Variants in HHAT observed in about 807,000 individuals in gnomAD.
HHAT encodes the protein protein-cysteine N-palmitoyltransferase HHAT.
A neutral mutation model predicts 70.8 loss-of-function variants in HHAT; 47 were observed. The ratio of observed to expected loss-of-function variants is 0.66; its 90% CI spans 0.53 to 0.85. The LOEUF is 0.85. Ranked by LOEUF, HHAT falls within the 40% of genes least tolerant of loss-of-function variation. HHAT has a pLI of 0.00. For missense variants in HHAT, 609 were observed against 604.8 expected, an observed-to-expected ratio of 1.01 and a Z score of -0.07; for synonymous variants, 228 against 247.6, an observed-to-expected ratio of 0.92 and a Z score of 0.74.
intron 1 of HHAT, among the ~76,000 whole-genome samples, chr1:210,339,894 T>C (rs1443972034): frequency 1.3e-5 from 2 of 152,230 alleles, no homozygotes; most frequent in Admixed American, 6.5e-5. Flanking sequence ...GGGTATATAT[T>C]TTAAACTATT....
intron 9 of HHAT, among the ~76,000 whole-genome samples, chr1:210,572,145 T>C (rs187626875): frequency 2.5e-3 from 381 of 152,350 alleles, no homozygotes; most frequent in Non-Finnish European, 4.8e-3. Flanking sequence ...ATTATCAGTT[T>C]TCCTTTCCAG....
chr1:210,609,993 T>A (rs940422257), intron 10 of HHAT, among the ~76,000 whole-genome samples: 3 of 152,236 alleles, frequency 2.0e-5, no homozygotes, highest in African/African-American at 7.2e-5. Context: ...AGTATCTTTA[T>A]AATAGAATGA....
Position 210,400,554 on chromosome 1 carries a change from T to C in HHAT, c.360T>C (p.His120=). 2 of 1,614,116 alleles carry C rather than the reference T, an allele frequency of 1.2e-6. No individual in the cohort carries two copies. Among genetic ancestry groups the C allele is most frequent in the South Asian group, 2.2e-5 (2 of 91,074 alleles). The change falls in exon 5 of 12, where the codon CAT becomes CAC. Residue 120 remains histidine, a synonymous_variant. Transcript: ENST00000261458. ...CTGGTGTGGCTATGGTTTTGCTCCATACCACCATCTCTTTCTGCGTGGCCC... is the reference window on the plus strand; with the variant it reads ...CTGGTGTGGCTATGGTTTTGCTCCACACCACCATCTCTTTCTGCGTGGCCC... The part of the protein sequence containing the change: ...GTPGVAMVLL[H]TTISFCVAQF...
At chr1:210,475,598 C>T in intron 8 of HHAT, among the ~76,000 whole-genome samples, 1 of 152,134 alleles carries the variant, frequency 6.6e-6, no homozygotes, top group Non-Finnish European at 1.5e-5. Flanking sequence ...TAATTTCATC[C>T]TCTTCTTTCT....
chr1:210,442,462 C>T (rs1357931154), intron 7 of HHAT, among the ~76,000 whole-genome samples: 1 of 147,422 alleles, frequency 6.8e-6, no homozygotes, highest in Non-Finnish European at 1.5e-5. Flanking sequence ...TTTACAGTCC[C>T]ACCAACAGTG....
chr1:210,496,001 A>G lies in HHAT; in HGVS notation c.1008-17152A>G, dbSNP rs575316674. On this transcript the variant is annotated intron_variant, in intron 8 of 11. Coordinates refer to ENST00000261458, the MANE Select transcript of HHAT (RefSeq NM_018194.6). The stretch of plus-strand genomic sequence containing the variant: ...ATTCCAGCCTGGGCAACAGAGTCAA[A>G]CTCTATCTCAAAAAAAAAAAAAAAA... Among the ~76,000 whole-genome samples the G allele has an allele frequency of 2.2e-4, 23 of 104,198 alleles. No individual in the cohort carries two copies. The East Asian group carries it at 5.8e-3, about 26-fold the overall frequency. The allele number at this position is 104,198 out of a possible 152,430, so 68.4% of individuals were successfully genotyped here.
intron 11 of HHAT, among the ~76,000 whole-genome samples, chr1:210,657,941 G>C (rs1337511037): frequency 6.6e-6 from 1 of 152,158 alleles, no homozygotes; most frequent in Non-Finnish European, 1.5e-5. Context: ...CAGAGGTTGT[G>C]GTCTTGATCA....
intron 8 of HHAT, among the ~76,000 whole-genome samples, chr1:210,506,794 G>A (rs576387718): frequency 1.8e-4 from 28 of 152,270 alleles, no homozygotes; most frequent in Middle Eastern, 3.4e-3. Context: ...AGAAGCATTG[G>A]TACCTTATTA....
intron 7 of HHAT, among the ~76,000 whole-genome samples, chr1:210,454,582 T>A (rs1363215370): frequency 6.6e-6 from 1 of 152,170 alleles, no homozygotes; most frequent in Non-Finnish European, 1.5e-5. Flanking sequence ...TGTCCCACAT[T>A]ATTTCATTAA....
chr1:210,465,868 G>C (rs1183574620), intron 8 of HHAT, among the ~76,000 whole-genome samples: 4 of 151,858 alleles, frequency 2.6e-5, no homozygotes, highest in Non-Finnish European at 5.9e-5. Flanking sequence ...GAATTGCAAG[G>C]AATGAATTGC....
chr1:210,487,886 A>G (rs1463614887), intron 8 of HHAT, among the ~76,000 whole-genome samples: 1 of 152,178 alleles, frequency 6.6e-6, no homozygotes, highest in Non-Finnish European at 1.5e-5. Context: ...ATACCAAGGC[A>G]ACCTTTATTC....
chr1:210,509,800 G>C (rs1256540481), intron 8 of HHAT, among the ~76,000 whole-genome samples: 3 of 152,198 alleles, frequency 2.0e-5, no homozygotes, highest in Non-Finnish European at 4.4e-5. Flanking sequence ...GTGAGAGGCA[G>C]CATTAAATTA....
intron 8 of HHAT, among the ~76,000 whole-genome samples, chr1:210,471,544 C>A (rs556300931): frequency 2.6e-5 from 4 of 151,886 alleles, no homozygotes; most frequent in Admixed American, 1.3e-4. Flanking sequence ...AAGGAGATAT[C>A]CTAATGCCTT....
intron 11 of HHAT, among the ~76,000 whole-genome samples, chr1:210,638,292 A>G (rs1204606490): frequency 1.3e-5 from 2 of 152,196 alleles, no homozygotes; most frequent in Non-Finnish European, 2.9e-5. Flanking sequence ...AACAATCCAA[A>G]CATCTGTCAA....
At chr1:210,604,665 A>G (rs1029008905) in intron 10 of HHAT, among the ~76,000 whole-genome samples, 8 of 152,174 alleles carry the variant, frequency 5.3e-5, no homozygotes, top group Non-Finnish European at 1.0e-4. Flanking sequence ...AGAGGTGAGC[A>G]GGACGGATTC....
chr1:210,539,260 G>C (rs568780908), intron 9 of HHAT, among the ~76,000 whole-genome samples: 1 of 152,294 alleles, frequency 6.6e-6, no homozygotes, highest in Non-Finnish European at 1.5e-5. Context: ...GTGGAACAAG[G>C]CCTATTGAGT....
At chr1:210,425,398 C>T (rs1456362013) in intron 7 of HHAT, among the ~76,000 whole-genome samples, 2 of 151,954 alleles carry the variant, frequency 1.3e-5, no homozygotes, top group Admixed American at 6.6e-5. Context: ...TTGTCCTCTT[C>T]GTCATGAAGT....
chr1:210,475,348 A>G (rs1171423234), intron 8 of HHAT, among the ~76,000 whole-genome samples: 2 of 152,158 alleles, frequency 1.3e-5, no homozygotes, highest in Non-Finnish European at 1.5e-5. Flanking sequence ...GTTGCTGAGG[A>G]AGACTTAGCA....
chr1:210,639,876 A>G (rs78535458), intron 11 of HHAT, among the ~76,000 whole-genome samples: 2,952 of 152,276 alleles, frequency 0.019, 50 homozygotes, highest in Non-Finnish European at 0.032. Context: ...TTTAAAATGC[A>G]GAGTCCTGAG....
Sources: allele counts gnomAD v4.1 joint callset (sites outside exome capture counted in the v4.1 genomes callset), GRCh38; gene constraint gnomAD v4.1.1; transcripts MANE v1.5; gene names NCBI Gene and HGNC (gene_info 2026-07-23, HGNC 2026-07-21).